TOX2: variants seen among roughly 807,000 people sequenced by gnomAD.
TOX2 encodes TOX high mobility group box family member 2.
In TOX2, 15 loss-of-function variants were observed where a neutral mutation model predicts 47.4. The ratio of observed to expected loss-of-function variants is 0.32; its 90% CI spans 0.21 to 0.49. The LOEUF (loss-of-function observed/expected upper bound fraction) is 0.49. Ranked by LOEUF, TOX2 falls within the 20% of genes least tolerant of loss-of-function variation. TOX2 has a pLI of 0.99. For missense variants in TOX2, 622 were observed against 673.1 expected (o/e 0.92, Z 0.84); for synonymous variants, 290 against 296.6 (o/e 0.98, Z 0.23).
intron 3 of TOX2, among the ~76,000 whole-genome samples, chr20:44,011,307 A>G (rs1406267459): frequency 6.6e-6 from 1 of 152,186 alleles, no homozygotes; most frequent in East Asian, 1.9e-4. Context: ...AGTGCCCACT[A>G]GGTACCAGGC....
chr20:43,950,315 C>T (rs901080487), intron 1 of TOX2, among the ~76,000 whole-genome samples: 7 of 152,222 alleles, frequency 4.6e-5, no homozygotes, highest in Non-Finnish European at 4.4e-5. Flanking sequence ...TGAGGTTCCT[C>T]GGATGTGCTG....
chr20:43,959,582 C>T (rs2069723629), intron 1 of TOX2, among the ~76,000 whole-genome samples: 1 of 152,142 alleles, frequency 6.6e-6, no homozygotes, highest in African/African-American at 2.4e-5. Context: ...GACATATTTC[C>T]CTTCCGACAA....
At chr20:44,018,243 C>T (rs2070913824) in intron 3 of TOX2, among the ~76,000 whole-genome samples, 1 of 152,132 alleles carries the variant, frequency 6.6e-6, no homozygotes, top group Non-Finnish European at 1.5e-5. Context: ...CTCAGCTGCC[C>T]TCTGGTACCC....
intron 1 of TOX2, among the ~76,000 whole-genome samples, chr20:43,948,474 G>T (rs988036700): frequency 6.6e-6 from 1 of 152,176 alleles, no homozygotes; most frequent in African/African-American, 2.4e-5. Context: ...CTCGGCCGGC[G>T]GCATCCCTGA....
chr20:44,066,758 G>A lies in TOX2; in HGVS notation c.1385G>A (p.Ser462Asn). ...TTCCCGCACATCTCTGAGTTCCCCA[G>A]CAGCTCGGGATCCTGCTCACCTGGC... ...QDFPHISEFPSSSGSCSPGPS... is the reference protein window; with the variant it reads ...QDFPHISEFPNSSGSCSPGPS... The change falls in exon 8 of 9, where the codon AGC (serine) becomes AAC (asparagine). Residue 462 changes from serine (S) to asparagine (N), a missense_variant. Ser to Asn is a conservative substitution (Grantham distance 46). Around this residue, in one of 3 missense-constraint regions of TOX2, gnomAD observed 294 missense variants for 300.0 expected, o/e 0.98. Transcript: ENST00000341197. The A allele has an allele frequency of 6.2e-7, 1 of 1,614,138 alleles. No individual in the cohort carries two copies. Among genetic ancestry groups the A allele is most frequent in the Non-Finnish European group, 8.5e-7 (1 of 1,180,030 alleles).
rs1555842271 is a variant in TOX2 at position 44,026,228 on chromosome 20, G to GATATATATATATATATATAGATAT, written c.411+19455_411+19456insGATATATATATATATATATATATA. Among the ~76,000 whole-genome samples the GATATATATATATATATATAGATAT allele has an allele frequency of 5.0e-5, 3 of 60,244 alleles. 1 individual carries two copies. In the South Asian group the frequency reaches 1.5e-3, roughly 30 times the overall value. The allele number at this position is 60,244 out of a possible 152,430, so 39.5% of individuals were successfully genotyped here. On this transcript the variant is annotated intron_variant, in intron 3 of 8. Transcript: ENST00000341197. ...TCGATCGAGTGGATAAAGAAACTGT[G>GATATATATATATATATATAGATAT]ATATATATATATATATATATAGACA...
intron 3 of TOX2, among the ~76,000 whole-genome samples, chr20:44,012,849 C>T (rs1377196026): frequency 3.3e-5 from 5 of 152,224 alleles, no homozygotes; most frequent in African/African-American, 4.8e-5. Context: ...CTTAGTGCTG[C>T]GTTTCAGATT....
intron 6 of TOX2, 63 bp from the exon 7 acceptor site, chr20:44,065,647 TCA>T (rs2071800169): frequency 1.3e-6 from 2 of 1,518,530 alleles, no homozygotes; most frequent in Non-Finnish European, 8.9e-7. Context: ...CCTCCTGGCC[TCA>T]CAGCCCATGT....
At chr20:43,976,507 C>A (rs111800469) in intron 2 of TOX2, among the ~76,000 whole-genome samples, 2,544 of 152,296 alleles carry the variant, frequency 0.017, 54 homozygotes, top group African/African-American at 0.058. Context: ...GTCACAGGAC[C>A]AGCCTAGATC....
chr20:44,066,386 A>C (rs766479047), intron 7 of TOX2, among the ~76,000 whole-genome samples: 8 of 152,044 alleles, frequency 5.3e-5, no homozygotes, highest in Non-Finnish European at 1.0e-4. Flanking sequence ...GCCCTTCCCA[A>C]AGCCTTCGAG....
At chr20:43,977,969 C>T (rs888910752) in intron 2 of TOX2, among the ~76,000 whole-genome samples, 1 of 152,188 alleles carries the variant, frequency 6.6e-6, no homozygotes, top group East Asian at 1.9e-4. Flanking sequence ...TCCAGCTCCT[C>T]CATGCCTCAG....
chr20:44,020,734 C>A (rs533827687), intron 3 of TOX2, among the ~76,000 whole-genome samples: 1 of 152,340 alleles, frequency 6.6e-6, no homozygotes, highest in South Asian at 2.1e-4. Flanking sequence ...CCTAACCACG[C>A]CTCCAGGGGC....
chr20:44,021,627 CACTAGGTCG>C (rs2070977005), intron 3 of TOX2, among the ~76,000 whole-genome samples: 1 of 151,942 alleles, frequency 6.6e-6, no homozygotes, highest in Admixed American at 6.6e-5. Flanking sequence ...TGCATGCTTC[CACTAGGTCG>C]ACTTTTTTTT....
At chr20:43,968,742 G>A (rs1231667114) in intron 1 of TOX2, among the ~76,000 whole-genome samples, 1 of 152,166 alleles carries the variant, frequency 6.6e-6, no homozygotes, top group Non-Finnish European at 1.5e-5. Context: ...GATGGCAATG[G>A]GAAAAGGAAT....
intron 3 of TOX2, among the ~76,000 whole-genome samples, chr20:44,034,514 A>G (rs1312564463): frequency 6.6e-6 from 1 of 152,170 alleles, no homozygotes; most frequent in Non-Finnish European, 1.5e-5. Context: ...TGAGAAGTGA[A>G]ATGGCCACAG....
At chr20:43,941,656 C>T (rs1378233289) in intron 1 of TOX2, among the ~76,000 whole-genome samples, 2 of 152,140 alleles carry the variant, frequency 1.3e-5, no homozygotes, top group African/African-American at 2.4e-5. Context: ...TTTTTATTTG[C>T]GTAAGCTCAC....
intron 1 of TOX2, among the ~76,000 whole-genome samples, chr20:43,927,776 T>C (rs1196077063): frequency 8.4e-6 from 1 of 118,514 alleles, no homozygotes; most frequent in African/African-American, 3.3e-5. Context: ...TCCCTCCCTC[T>C]TTCCCTCCCT....
At chr20:44,045,372 G>T (rs1411576439) in intron 3 of TOX2, among the ~76,000 whole-genome samples, 1 of 152,092 alleles carries the variant, frequency 6.6e-6, no homozygotes, top group Admixed American at 6.5e-5. Context: ...CCTAGACAAA[G>T]ACGTGTACTC....
rs768510707 is a variant in TOX2 at position 44,069,093 on chromosome 20, T to TTTTCCAGTGTGAACACTGTGCACATC, written c.*407_*408insTTTCCAGTGTGAACACTGTGCACATC. 2.1e-3 allele frequency: 798 copies of TTTTCCAGTGTGAACACTGTGCACATC among 375,276 alleles called. 4 individuals carry two copies. Among genetic ancestry groups the TTTTCCAGTGTGAACACTGTGCACATC allele is most frequent in the Middle Eastern group, 4.6e-3 (5 of 1,076 alleles). 23.2% of individuals were successfully genotyped at this position (375,276 alleles called of 1,614,324 possible). A position where few individuals can be genotyped will look rare whatever the true frequency, so the allele number is the denominator to read the frequency against. Reference sequence around the variant, plus strand: ...CCAGAGGGCCGGCCCCCGGCATAGATGTGCACATCGGTTTTCCAGTGTGAA... The same window carrying TTTTCCAGTGTGAACACTGTGCACATC: ...CCAGAGGGCCGGCCCCCGGCATAGATTTTCCAGTGTGAACACTGTGCACATCGTGCACATCGGTTTTCCAGTGTGAA... On this transcript the variant is annotated 3_prime_UTR_variant, in exon 9 of 9. Coordinates refer to ENST00000341197, the MANE Select transcript of TOX2 (RefSeq NM_001098797.2).
Sources: gnomAD v4.1 joint callset for allele counts (sites outside exome capture counted in the v4.1 genomes callset) on GRCh38, gnomAD v4.1.1 for gene constraint, gnomAD v4.1.1 regional missense constraint, MANE v1.5 for transcripts, NCBI Gene and HGNC (gene_info 2026-07-23, HGNC 2026-07-21) for gene names.